SYN3: variants seen among roughly 807,000 people sequenced by gnomAD.
SYN3 encodes synapsin-3.
A neutral mutation model predicts 65.8 loss-of-function variants in SYN3; 35 were observed. That is an observed-to-expected ratio of 0.53 (90% CI 0.41 to 0.70). The LOEUF (loss-of-function observed/expected upper bound fraction) is 0.70, where lower values mean the gene tolerates loss of function less well. SYN3 is among the 30% of genes least tolerant of loss of function. The probability of loss-of-function intolerance (pLI) is 0.00; values close to 1 mark genes in which losing one functional copy is unlikely to be tolerated. For synonymous variants in SYN3, 270 were observed against 292.9 expected (o/e 0.92, Z 0.80); for missense variants, 680 against 749.0 (o/e 0.91, Z 1.08).
intron 6 of SYN3, among the ~76,000 whole-genome samples, chr22:32,617,858 T>G (rs2059541820): frequency 6.6e-6 from 1 of 151,646 alleles, no homozygotes; most frequent in Admixed American, 6.6e-5. Flanking sequence ...GCTTGTCAGC[T>G]GCGAGTCTAG....
intron 6 of SYN3, among the ~76,000 whole-genome samples, chr22:32,854,360 T>C (rs1449761373): frequency 6.6e-6 from 1 of 152,086 alleles, no homozygotes; most frequent in Admixed American, 6.6e-5. Context: ...ATGAGTTGAG[T>C]TCTTACTGAG....
intron 6 of SYN3, among the ~76,000 whole-genome samples, chr22:32,659,121 A>C (rs935372789): frequency 6.6e-6 from 1 of 152,182 alleles, no homozygotes; most frequent in Non-Finnish European, 1.5e-5. Flanking sequence ...CAGGCGTCCT[A>C]ACAGTGTAAC....
chr22:32,613,868 T>C (rs2059479743), intron 6 of SYN3, among the ~76,000 whole-genome samples: 1 of 152,202 alleles, frequency 6.6e-6, no homozygotes, highest in African/African-American at 2.4e-5. Flanking sequence ...TAGCTTCTCC[T>C]TCACCCTTCC....
intron 3 of SYN3, among the ~76,000 whole-genome samples, chr22:32,933,776 C>T (rs552877228): frequency 6.6e-6 from 1 of 152,264 alleles, no homozygotes; most frequent in Admixed American, 6.5e-5. Context: ...ATGGCCCCCA[C>T]TGTTCAGCTG....
At position 32,510,952 on chromosome 22, in the gene SYN3, G is replaced by A. The variant is rs2057684144; in HGVS notation, c.*2740C>T. 6.6e-6 allele frequency among the ~76,000 whole-genome samples: 1 copy of A among 150,834 alleles called. No homozygotes were observed. Among genetic ancestry groups the A allele is most frequent in the Non-Finnish European group, 1.5e-5 (1 of 67,908 alleles). On this transcript the variant is annotated 3_prime_UTR_variant, in exon 14 of 14. Coordinates refer to ENST00000358763, the MANE Select transcript of SYN3 (RefSeq NM_003490.4). ...TAGCGAGGTGACAGGATTTTAGGAT[G>A]TGCATTTGTCAATTCCAAGTTATTG... is the stretch of plus-strand genomic sequence containing the variant.
chr22:32,615,032 C>T (rs549760688), intron 6 of SYN3, among the ~76,000 whole-genome samples: 3 of 151,968 alleles, frequency 2.0e-5, no homozygotes, highest in East Asian at 3.9e-4. Context: ...TTACCCCCAC[C>T]GTGGTTGGGA....
intron 6 of SYN3, among the ~76,000 whole-genome samples, chr22:32,820,839 T>C (rs1043581425): frequency 6.6e-6 from 1 of 152,204 alleles, no homozygotes; most frequent in Non-Finnish European, 1.5e-5. Context: ...TGCTTACTTA[T>C]TAGATTAGAA....
At chr22:32,927,148 A>G (rs2050495672) in intron 4 of SYN3, among the ~76,000 whole-genome samples, 1 of 152,214 alleles carries the variant, frequency 6.6e-6, no homozygotes, top group Non-Finnish European at 1.5e-5. Flanking sequence ...TAAGCAATTC[A>G]GAATGATATC....
chr22:32,565,051 A>AGACTGTACACAAACAGTGCTCCCG (rs2058651577), intron 7 of SYN3, among the ~76,000 whole-genome samples: 7 of 108,624 alleles, frequency 6.4e-5, no homozygotes, highest in African/African-American at 2.5e-4. Flanking sequence ...CAGTGATCTC[A>AGACTGTACACAAACAGTGCTCCCG]GACTGCACCC....
At chr22:32,859,148 T>A in intron 6 of SYN3, 1 of 1,609,806 alleles carries the variant, frequency 6.2e-7, no homozygotes, top group Non-Finnish European at 8.5e-7. Context: ...CATGGCAGAG[T>A]CCATCAACTG....
At chr22:33,031,248 A>C (rs2053750555) in intron 1 of SYN3, among the ~76,000 whole-genome samples, 1 of 152,154 alleles carries the variant, frequency 6.6e-6, no homozygotes, top group African/African-American at 2.4e-5. Context: ...CATCCAAGAC[A>C]GAACTCCTGG....
At chr22:32,852,482 A>C (rs991209984) in intron 6 of SYN3, among the ~76,000 whole-genome samples, 2 of 152,206 alleles carry the variant, frequency 1.3e-5, no homozygotes, top group African/African-American at 4.8e-5. Context: ...GCAAGCCTGC[A>C]TGAGTTTTGG....
intron 3 of SYN3, among the ~76,000 whole-genome samples, chr22:32,972,665 G>C (rs2146944666): frequency 6.6e-6 from 1 of 152,288 alleles, no homozygotes; most frequent in East Asian, 1.9e-4. Context: ...ATAGCAGTTT[G>C]AACAAGTGGT....
chr22:32,779,142 G>A (rs757316988), intron 6 of SYN3, among the ~76,000 whole-genome samples: 8 of 152,176 alleles, frequency 5.3e-5, no homozygotes, highest in African/African-American at 1.7e-4. Flanking sequence ...GGATTGATAG[G>A]AATGGTGAAT....
Position 32,615,446 on chromosome 22 carries a change from A to G in SYN3, c.712-18710T>C, listed in dbSNP as rs2059504641. On this transcript the variant is annotated intron_variant, in intron 6 of 13. Coordinates refer to ENST00000358763, the MANE Select transcript of SYN3 (RefSeq NM_003490.4). ...AAGACTTCATCTAAAAAAAAAAAAAAAAAAAGAAAAAAAGAAAGAAAACTA... is the reference window on the plus strand; with the variant it reads ...AAGACTTCATCTAAAAAAAAAAAAAGAAAAAGAAAAAAAGAAAGAAAACTA... 2.7e-5 allele frequency among the ~76,000 whole-genome samples: 4 copies of G among 150,912 alleles called. 1 individual carries two copies. In the South Asian group the frequency reaches 6.2e-4, roughly 24 times the overall value.
chr22:32,590,396 T>G (rs2146550001), intron 7 of SYN3, among the ~76,000 whole-genome samples: 1 of 152,372 alleles, frequency 6.6e-6, no homozygotes, highest in Middle Eastern at 3.4e-3. Context: ...TAATTTTTAT[T>G]GCTGAAAATA....
chr22:32,847,547 T>C (rs996882186), intron 6 of SYN3, among the ~76,000 whole-genome samples: 2 of 152,110 alleles, frequency 1.3e-5, no homozygotes, highest in African/African-American at 4.8e-5. Context: ...CCAAGCTCAT[T>C]TGGAAAGAAA....
At chr22:32,978,229 T>C (rs1055938223) in intron 3 of SYN3, among the ~76,000 whole-genome samples, 10 of 151,806 alleles carry the variant, frequency 6.6e-5, no homozygotes, top group Admixed American at 6.6e-4. Flanking sequence ...GTGATGGGGA[T>C]GAAGGGAGAA....
At chr22:32,820,271 T>C (rs7511046) in intron 6 of SYN3, among the ~76,000 whole-genome samples, 2,080 of 144,878 alleles carry the variant, frequency 0.014, 31 homozygotes, top group African/African-American at 0.035. Context: ...TGCGTGCGCG[T>C]GTGTGTGTGT....
Sources: gnomAD v4.1 joint callset for allele counts (sites outside exome capture counted in the v4.1 genomes callset) on GRCh38, gnomAD v4.1.1 for gene constraint, MANE v1.5 for transcripts, NCBI Gene and HGNC (gene_info 2026-07-23, HGNC 2026-07-21) for gene names.